DCHS2: variants seen among roughly 807,000 people sequenced by gnomAD.
DCHS2 encodes dachsous cadherin-related 2, also known as protocadherin-23.
Under a neutral mutation model 182.4 loss-of-function variants are expected in DCHS2, and 142 were observed. That is an observed-to-expected ratio of 0.78 (90% CI 0.68 to 0.89). DCHS2 has a LOEUF of 0.89. Among genes scored for constraint, DCHS2 ranks in the 40% least tolerant of loss-of-function variants. The pLI is 0.00. For synonymous variants in DCHS2, 1,740 were observed against 1,663.3 expected (o/e 1.05, Z -1.12); for missense variants, 4,319 against 4,198.6 (o/e 1.03, Z -0.79).
In DCHS2 at chr4:154,486,511, C is replaced by T. The variant is rs778422778; in HGVS notation, c.2052+2793G>A. On this transcript the variant is annotated intron_variant, in intron 1 of 19. Coordinates refer to ENST00000357232, the MANE Select transcript of DCHS2 (RefSeq NM_001358235.2). ...TTGATTTTGACAAAGGCAACTTGAG[C>T]AGATATAAGCTGTAAAAGAGGAAAA... 5.4e-6 allele frequency: 7 copies of T among 1,304,348 alleles called. No individual in the cohort carries two copies. The South Asian group carries it at 6.2e-5, about 12-fold the overall frequency. 80.8% of individuals were successfully genotyped at this position (1,304,348 alleles called of 1,614,324 possible). A position where few individuals can be genotyped will look rare whatever the true frequency, so the allele number is the denominator to read the frequency against.
chr4:154,327,223 A>T (rs550414144), intron 7 of DCHS2, among the ~76,000 whole-genome samples: 1 of 152,292 alleles, frequency 6.6e-6, no homozygotes, highest in East Asian at 1.9e-4. Flanking sequence ...AGGCTATGCA[A>T]GTAAAACACC....
At chr4:154,313,174 G>A (rs1409560943) in intron 10 of DCHS2, among the ~76,000 whole-genome samples, 2 of 152,128 alleles carry the variant, frequency 1.3e-5, no homozygotes, top group East Asian at 3.9e-4. Flanking sequence ...ATTCCCAGTG[G>A]GGCACCCTTT....
intron 1 of DCHS2, among the ~76,000 whole-genome samples, chr4:154,453,595 T>C (rs547245259): frequency 4.3e-4 from 66 of 152,144 alleles, no homozygotes; most frequent in Non-Finnish European, 7.9e-4. Context: ...GTCTTTGCTG[T>C]AGAGGACCCC....
At chr4:154,344,749 C>T (rs529169881) in intron 3 of DCHS2, among the ~76,000 whole-genome samples, 3 of 152,252 alleles carry the variant, frequency 2.0e-5, no homozygotes, top group East Asian at 1.9e-4. Flanking sequence ...GCAGGGCTAG[C>T]GTCCACAGTT....
chr4:154,379,928 C>T (rs1361004017), intron 1 of DCHS2, among the ~76,000 whole-genome samples: 1 of 152,058 alleles, frequency 6.6e-6, no homozygotes, highest in Non-Finnish European at 1.5e-5. Flanking sequence ...CCCAAGAAGA[C>T]ATTTAGTATG....
At chr4:154,345,214 TG>T (rs1483038862) in intron 3 of DCHS2, among the ~76,000 whole-genome samples, 4 of 152,232 alleles carry the variant, frequency 2.6e-5, no homozygotes, top group Non-Finnish European at 4.4e-5. Flanking sequence ...TGACGCCAAA[TG>T]TTTAGCTTAG....
intron 13 of DCHS2, among the ~76,000 whole-genome samples, chr4:154,286,933 G>T (rs1039416369): frequency 6.6e-6 from 1 of 151,956 alleles, no homozygotes; most frequent in Non-Finnish European, 1.5e-5. Flanking sequence ...CAAATGTCAA[G>T]GATAAAGAAA....
chr4:154,331,106 C>T (rs1403374094), intron 5 of DCHS2, among the ~76,000 whole-genome samples: 2 of 152,080 alleles, frequency 1.3e-5, no homozygotes, highest in Admixed American at 1.3e-4. Context: ...CTGAAGGACA[C>T]CCTCCACCCT....
Position 154,283,253 on chromosome 4 carries a change from G to C in DCHS2, c.6464-13240C>G, listed in dbSNP as rs138772798. Among the ~76,000 whole-genome samples, 885 of 151,738 alleles carry C rather than the reference G, an allele frequency of 5.8e-3. 9 individuals carry two copies. The highest frequency in any genetic ancestry group is 0.021 in the African/African-American group (857 of 41,374). On this transcript the variant is annotated intron_variant, in intron 13 of 19. Transcript: ENST00000357232. The stretch of plus-strand genomic sequence containing the variant: ...TAAAAATGGCTGAACCATTACTAAG[G>C]CTTTTTAAAAAAATCACTCCTGATG...
chr4:154,286,167 G>A lies in DCHS2; in HGVS notation c.6463+11684C>T, dbSNP rs530990363. 2.4e-4 allele frequency among the ~76,000 whole-genome samples: 36 copies of A among 152,228 alleles called. 1 individual carries two copies. Among genetic ancestry groups the A allele is most frequent in the Middle Eastern group, 6.8e-3 (2 of 294 alleles). On this transcript the variant is annotated intron_variant, in intron 13 of 19. Coordinates refer to ENST00000357232, the MANE Select transcript of DCHS2 (RefSeq NM_001358235.2). The stretch of plus-strand genomic sequence containing the variant: ...ACCCCCTAATGCAGATATGACTGCA[G>A]TGACCAAAAACTTAGATCACAACAC...
In DCHS2 at chr4:154,490,465, C is replaced by T. The variant is rs771765951; in HGVS notation, c.891G>A (p.Glu297=). 21 of 1,536,886 alleles carry T rather than the reference C, an allele frequency of 1.4e-5. No homozygotes were observed. Among genetic ancestry groups the T allele is most frequent in the Non-Finnish European group, 1.7e-5 (20 of 1,146,470 alleles). The change falls in exon 1 of 20, where the codon GAG becomes GAA. Residue 297 remains glutamate, a synonymous_variant. Coordinates refer to ENST00000357232, the MANE Select transcript of DCHS2 (RefSeq NM_001358235.2). ...GCACCGCGGCGCGGTACTCGTCCTG[C>T]TCAAAGACCGGCGGGTTGTCGTTCT... The part of the protein sequence containing the change: ...LDENDNPPVF[E]QDEYRAAVRE...
intron 1 of DCHS2, among the ~76,000 whole-genome samples, chr4:154,484,649 C>T (rs1728513007): frequency 6.6e-6 from 1 of 152,212 alleles, no homozygotes; most frequent in Admixed American, 6.5e-5. Context: ...TTAAAATAAC[C>T]TGGCATTTGT....
chr4:154,425,613 G>A (rs1268205097), intron 1 of DCHS2, among the ~76,000 whole-genome samples: 7 of 152,104 alleles, frequency 4.6e-5, no homozygotes, highest in African/African-American at 7.2e-5. Context: ...CATTCCACCC[G>A]ATCTCTACAT....
At chr4:154,336,016 G>A (rs963986031) in intron 3 of DCHS2, among the ~76,000 whole-genome samples, 1 of 152,144 alleles carries the variant, frequency 6.6e-6, no homozygotes, top group Non-Finnish European at 1.5e-5. Context: ...AAGTCTACAG[G>A]ATGAAACTAA....
chr4:154,270,508 G>C (rs1333561953), intron 13 of DCHS2, among the ~76,000 whole-genome samples: 1 of 151,902 alleles, frequency 6.6e-6, no homozygotes, highest in Non-Finnish European at 1.5e-5. Context: ...ATGAGTAGGG[G>C]AAGAAGAAGA....
At chr4:154,397,895 A>C (rs997932046) in intron 1 of DCHS2, among the ~76,000 whole-genome samples, 1 of 152,186 alleles carries the variant, frequency 6.6e-6, no homozygotes, top group African/African-American at 2.4e-5. Context: ...CCTGGCACAA[A>C]ATCTCAGAAT....
intron 1 of DCHS2, among the ~76,000 whole-genome samples, chr4:154,428,023 T>C (rs553667485): frequency 2.0e-4 from 31 of 152,308 alleles, no homozygotes; most frequent in Non-Finnish European, 4.3e-4. Flanking sequence ...AGCCATGCCA[T>C]GTGGTTCTTT....
chr4:154,488,853 C>T (rs1728678166), intron 1 of DCHS2, among the ~76,000 whole-genome samples: 1 of 151,496 alleles, frequency 6.6e-6, no homozygotes, highest in Admixed American at 6.6e-5. Context: ...GCCTGGGCAA[C>T]AGAGTGACAC....
intron 1 of DCHS2, among the ~76,000 whole-genome samples, chr4:154,438,527 A>C (rs950273651): frequency 1.1e-4 from 16 of 152,144 alleles, no homozygotes; most frequent in African/African-American, 3.9e-4. Context: ...TTCTTGCAGA[A>C]CTTTAGGATA....
Sources: gnomAD v4.1 joint callset for allele counts (sites outside exome capture counted in the v4.1 genomes callset) on GRCh38, gnomAD v4.1.1 for gene constraint, MANE v1.5 for transcripts, NCBI Gene and HGNC (gene_info 2026-07-23, HGNC 2026-07-21) for gene names.